ST3GAL6: variants seen among roughly 807,000 people sequenced by gnomAD.
ST3GAL6 encodes type 2 lactosamine alpha-2,3-sialyltransferase.
ST3GAL6 carries 31 observed loss-of-function variants against 40.5 expected under a neutral mutation model. The ratio of observed to expected loss-of-function variants is 0.77; its 90% CI spans 0.58 to 1.03. The LOEUF (loss-of-function observed/expected upper bound fraction) is 1.03, where lower values mean the gene tolerates loss of function less well. ST3GAL6 is among the 50% of genes least tolerant of loss of function. The pLI, the probability that ST3GAL6 is intolerant of heterozygous loss-of-function variation, is 0.00. For missense variants in ST3GAL6, 357 were observed against 393.2 expected, an observed-to-expected ratio of 0.91 and a Z score of 0.78; for synonymous variants, 129 against 136.9, an observed-to-expected ratio of 0.94 and a Z score of 0.40.
chr3:98,754,906 T>C (rs1434077088), intron 1 of ST3GAL6, among the ~76,000 whole-genome samples: 1 of 152,234 alleles, frequency 6.6e-6, no homozygotes, highest in Non-Finnish European at 1.5e-5. Flanking sequence ...TGCACACTTA[T>C]AGACTGTTGT....
rs1195126636 is a variant in ST3GAL6, at chr3:98,792,010, T to C, written c.909+17T>C. 4 of 1,590,720 alleles carry C rather than the reference T, an allele frequency of 2.5e-6. No individual in the cohort carries two copies. Among genetic ancestry groups the C allele is most frequent in the African/African-American group, 2.7e-5 (2 of 74,150 alleles). On this transcript the variant is annotated intron_variant, in intron 9 of 9. Coordinates refer to ENST00000483910, the MANE Select transcript of ST3GAL6 (RefSeq NM_001323368.2). ...ATGAATAAGGTAATATACTGTACTT[T>C]AGGTAATATACATATGCTTTGGACT...
upstream of ST3GAL6, chr3:98,763,190 A>C: frequency 8.3e-7 from 1 of 1,200,724 alleles, no homozygotes; most frequent in Non-Finnish European, 1.1e-6. Flanking sequence ...ACATTAATGC[A>C]TGGCTAGAGT....
intron 5 of ST3GAL6, chr3:98,782,790 A>G (rs749150186): frequency 5.8e-6 from 3 of 514,826 alleles, no homozygotes; most frequent in Non-Finnish European, 1.2e-5. Context: ...GAAGTTTACA[A>G]GATGCTTCAG....
rs550301068 is a variant in ST3GAL6 at position 98,756,501 on chromosome 3, G to A, written c.-11-11929G>A. Reference sequence around the variant, plus strand: ...TCTTTCGCAAATTCTCCACCTTTGCGAACAGAGGGTCTTTAGGACACAGAT... The same window carrying A: ...TCTTTCGCAAATTCTCCACCTTTGCAAACAGAGGGTCTTTAGGACACAGAT... On this transcript the variant is annotated intron_variant, in intron 1 of 9. Coordinates refer to the ST3GAL6 transcript ENST00000265261. 1.9e-4 allele frequency: 244 copies of A among 1,286,282 alleles called. 3 individuals are homozygous for A. In the South Asian group the frequency reaches 2.7e-3, roughly 14 times the overall value. 79.7% of individuals were successfully genotyped at this position (1,286,282 alleles called of 1,614,324 possible). A position where few individuals can be genotyped will look rare whatever the true frequency, so the allele number is the denominator to read the frequency against.
chr3:98,760,933 T>A (rs192734213), upstream of ST3GAL6, among the ~76,000 whole-genome samples: 157 of 152,330 alleles, frequency 1.0e-3, 1 homozygote, highest in African/African-American at 2.8e-3. Flanking sequence ...AGCATTTTTT[T>A]AAAAAGTATT....
chr3:98,763,899 C>T lies in ST3GAL6; in HGVS notation c.-12+460C>T, dbSNP rs535645878. Among the ~76,000 whole-genome samples, 6 of 152,300 alleles carry T rather than the reference C, an allele frequency of 3.9e-5. No homozygotes were observed. In the South Asian group the frequency reaches 1.2e-3, roughly 32 times the overall value. ...AGGATCACTACTGGATCCACAGGAA[C>T]CTGACCCAACTGTTAAGCTGCTAGT... On this transcript the variant is annotated intron_variant, in intron 1 of 9. Coordinates refer to ENST00000483910, the MANE Select transcript of ST3GAL6 (RefSeq NM_001323368.2).
chr3:98,783,007 C>A, intron 5 of ST3GAL6: 1 of 302,980 alleles, frequency 3.3e-6, no homozygotes. Context: ...GCATTGTAGG[C>A]ATGTTTGTAA....
intron 1 of ST3GAL6, among the ~76,000 whole-genome samples, chr3:98,746,101 C>T (rs1936522955): frequency 6.6e-6 from 1 of 152,118 alleles, no homozygotes; most frequent in Admixed American, 6.6e-5. Flanking sequence ...TGGATGGATA[C>T]ATGGATATAT....
At chr3:98,763,109 C>T (rs1002062882), upstream of ST3GAL6, 2 of 985,158 alleles carry the variant, frequency 2.0e-6, no homozygotes, top group African/African-American at 1.7e-5. Context: ...AGGCTCAGGT[C>T]ATATGGAGAT....
intron 1 of ST3GAL6, among the ~76,000 whole-genome samples, chr3:98,754,579 T>A (rs1176463613): frequency 6.6e-6 from 1 of 152,220 alleles, no homozygotes; most frequent in African/African-American, 2.4e-5. Context: ...GAGGATTGAC[T>A]GTAATTTTGA....
At chr3:98,757,877 C>T (rs1248983933) in intron 1 of ST3GAL6, among the ~76,000 whole-genome samples, 1 of 151,666 alleles carries the variant, frequency 6.6e-6, no homozygotes, top group Non-Finnish European at 1.5e-5. Flanking sequence ...GCTCTGTTGC[C>T]CAGGCTGGAG....
intron 1 of ST3GAL6, among the ~76,000 whole-genome samples, chr3:98,749,223 C>G (rs1214986196): frequency 2.0e-5 from 3 of 152,102 alleles, no homozygotes; most frequent in Non-Finnish European, 2.9e-5. Flanking sequence ...GATCAATCCA[C>G]TGGTTTTAGG....
intron 5 of ST3GAL6, among the ~76,000 whole-genome samples, chr3:98,781,482 A>AT (rs981659924): frequency 2.0e-4 from 31 of 152,086 alleles, no homozygotes; most frequent in African/African-American, 6.7e-4. Context: ...TATAAAAAAA[A>AT]AAAAAAATAG....
chr3:98,763,025 C>G, upstream of ST3GAL6: 1 of 985,302 alleles, frequency 1.0e-6, no homozygotes, highest in Non-Finnish European at 1.2e-6. Flanking sequence ...AGGACCAAAC[C>G]TAAAAGAGAG....
upstream of ST3GAL6, chr3:98,762,654 G>C (rs1259292293): frequency 2.3e-6 from 1 of 427,760 alleles, no homozygotes; most frequent in Non-Finnish European, 3.1e-6. Flanking sequence ...ATAATTTAAT[G>C]TGTATCATCC....
chr3:98,749,860 C>T (rs567057668), intron 1 of ST3GAL6, among the ~76,000 whole-genome samples: 14 of 152,290 alleles, frequency 9.2e-5, no homozygotes, highest in Admixed American at 9.2e-4. Flanking sequence ...AAGCCCAAAT[C>T]TATTGGATCA....
chr3:98,749,094 G>T (rs1936780671), intron 1 of ST3GAL6, among the ~76,000 whole-genome samples: 1 of 152,150 alleles, frequency 6.6e-6, no homozygotes, highest in South Asian at 2.1e-4. Flanking sequence ...ACAGTGTCCA[G>T]CACAGAGTAG....
chr3:98,745,976 C>G (rs1037054719), intron 1 of ST3GAL6, among the ~76,000 whole-genome samples: 1 of 152,064 alleles, frequency 6.6e-6, no homozygotes, highest in Non-Finnish European at 1.5e-5. Context: ...AGTCCTTACA[C>G]CCTGAGATTT....
chr3:98,746,360 T>C (rs1013954158), intron 1 of ST3GAL6, among the ~76,000 whole-genome samples: 2 of 152,172 alleles, frequency 1.3e-5, no homozygotes, highest in African/African-American at 4.8e-5. Flanking sequence ...GACTCCATTG[T>C]AACCCTCAGT....
Sources: gnomAD v4.1 joint callset for allele counts (sites outside exome capture counted in the v4.1 genomes callset) on GRCh38, gnomAD v4.1.1 for gene constraint, MANE v1.5 for transcripts, NCBI Gene and HGNC (gene_info 2026-07-23, HGNC 2026-07-21) for gene names.